Variants in EP400 observed in about 807,000 individuals in gnomAD.
The protein encoded by EP400 is E1A-binding protein p400.
A neutral mutation model predicts 354.1 loss-of-function variants in EP400; 105 were observed. The observed-to-expected ratio is 0.30, with a 90% CI of 0.25 to 0.35. The LOEUF is 0.35. Among genes scored for constraint, EP400 ranks in the 10% least tolerant of loss-of-function variants. EP400 has a pLI of 1.00. For synonymous variants in EP400, 1,646 were observed against 1,716.9 expected, an observed-to-expected ratio of 0.96 and a Z score of 1.02; for missense variants, 3,280 against 4,121.0, an observed-to-expected ratio of 0.80 and a Z score of 5.59.
In EP400 at chr12:131,986,472, A is replaced by G. The variant is rs1171797830; in HGVS notation, c.1930-42A>G. On this transcript the variant is annotated intron_variant, in intron 5 of 52. Coordinates refer to ENST00000389561, the MANE Select transcript of EP400 (RefSeq NM_015409.5). ...ATTTGGCACCGTGGGCTGCCCCGACATCTTTTCTTCACCTTGCTCCACTTG... is the reference window on the plus strand; with the variant it reads ...ATTTGGCACCGTGGGCTGCCCCGACGTCTTTTCTTCACCTTGCTCCACTTG... The G allele has an allele frequency of 2.6e-6, 4 of 1,543,706 alleles. No individual in the cohort carries two copies. The South Asian group carries it at 5.0e-5, about 19-fold the overall frequency.
chr12:131,995,517 A>G (rs1338629769), intron 12 of EP400, among the ~76,000 whole-genome samples: 1 of 142,986 alleles, frequency 7.0e-6, no homozygotes, highest in African/African-American at 2.7e-5. Flanking sequence ...GACTGAATGT[A>G]CCGTTCATCT....
At position 131,986,799 on chromosome 12, in the gene EP400, A is replaced by T. The variant is rs1258531382; in HGVS notation, c.2215A>T (p.Ile739Leu). The change falls in exon 6 of 53, where the codon ATA becomes TTA. Residue 739 changes from isoleucine to leucine, a missense_variant. This residue lies in a region of EP400 where 800 missense variants were observed against 840.0 expected (regional missense o/e 0.95). Transcript: ENST00000389561. ...TTCTCAGGATACGCTGACAGAACAA[A>T]TAACTCTGGTAAGCATGCTTAAGAA... ...DSSQDTLTEQ[I>L]TLENQVHQRI... is the part of the protein sequence containing the mutation. 4 of 1,605,892 alleles carry T rather than the reference A, an allele frequency of 2.5e-6. No homozygotes were observed. In the African/African-American group the frequency reaches 5.4e-5, roughly 22 times the overall value.
intron 2 of EP400, among the ~76,000 whole-genome samples, chr12:131,973,484 A>C (rs1463403840): frequency 6.6e-6 from 1 of 152,170 alleles, no homozygotes; most frequent in Non-Finnish European, 1.5e-5. Context: ...TCTACCAAAA[A>C]TACCAAAAAT....
At chr12:132,033,938 G>C (rs1047670403) in intron 30 of EP400, among the ~76,000 whole-genome samples, 4 of 152,034 alleles carry the variant, frequency 2.6e-5, no homozygotes, top group Non-Finnish European at 5.9e-5. Context: ...CATGTTCCTC[G>C]AGGGAAAAAA....
intron 45 of EP400, among the ~76,000 whole-genome samples, chr12:132,061,510 G>A (rs751854127): frequency 5.9e-5 from 9 of 152,236 alleles, no homozygotes; most frequent in Non-Finnish European, 1.0e-4. Flanking sequence ...GCATGATTGC[G>A]TTTGCCTTCC....
At position 132,078,180 on chromosome 12, in the gene EP400, A is replaced by T. The variant is rs1179066127; in HGVS notation, c.*507A>T. 6.5e-6 allele frequency: 1 copy of T among 154,334 alleles called. No individual in the cohort carries two copies. The highest frequency in any genetic ancestry group is 1.9e-4 in the East Asian group (1 of 5,220). The allele number at this position is 154,334 out of a possible 1,614,324, so 9.6% of individuals were successfully genotyped here. On this transcript the variant is annotated 3_prime_UTR_variant, in exon 53 of 53. Coordinates refer to ENST00000389561, the MANE Select transcript of EP400 (RefSeq NM_015409.5). ...GGGGAAGGCCTGTCTAAAGTCAATC[A>T]TCCGAGATGGGTTTTCCATTCCAAA...
rs1565920649 is a variant in EP400, at chr12:132,027,369, A to C, written c.5015-68A>C. On this transcript the variant is annotated intron_variant, in intron 25 of 52. Coordinates refer to ENST00000389561, the MANE Select transcript of EP400 (RefSeq NM_015409.5). The surrounding 1 kb of genome is among the most constrained non-coding windows in gnomAD (Gnocchi z 4.9). ...GGTGGAGGGTGAGGTTCCATGGAGC[A>C]TGCTGGTGTCAGATGAAATCCTGTG... The C allele has an allele frequency of 3.3e-6, 5 of 1,514,504 alleles. No individual in the cohort carries two copies. Among genetic ancestry groups the C allele is most frequent in the Non-Finnish European group, 4.6e-6 (5 of 1,091,468 alleles). The allele number at this position is 1,514,504 out of a possible 1,614,324, so 93.8% of individuals were successfully genotyped here.
chr12:132,005,838 A>C (rs1198871049), intron 13 of EP400, among the ~76,000 whole-genome samples: 1 of 152,166 alleles, frequency 6.6e-6, no homozygotes. Flanking sequence ...CCTAATTGCT[A>C]TGGAGACATT....
chr12:132,028,993 G>T (rs1593358019), intron 27 of EP400: 1 of 152,486 alleles, frequency 6.6e-6, no homozygotes, highest in Non-Finnish European at 1.5e-5. Context: ...AAAGAAAACT[G>T]GGAGTGCTTC....
At position 132,052,255 on chromosome 12, in the gene EP400, T is replaced by C. The variant is rs967395766; in HGVS notation, c.7395-891T>C. Reference sequence around the variant, plus strand: ...CACCTGAGTGGCTTGCCGCCCACAGTTGTCACACAGTGGCGGATTTGGGAG... The same window carrying C: ...CACCTGAGTGGCTTGCCGCCCACAGCTGTCACACAGTGGCGGATTTGGGAG... On this transcript the variant is annotated intron_variant, in intron 41 of 52. Transcript: ENST00000389561. This position sits in a 1 kb window ranked among gnomAD's most constrained non-coding sequence, Gnocchi z 4.4. 6.6e-6 allele frequency among the ~76,000 whole-genome samples: 1 copy of C among 152,200 alleles called. No individual in the cohort carries two copies. Among genetic ancestry groups the C allele is most frequent in the Admixed American group, 6.5e-5 (1 of 15,288 alleles).
rs1266653520 is a variant in EP400 at position 132,053,525 on chromosome 12, C to A, written c.7656C>A (p.Thr2552=). The change falls in exon 43 of 53, where the codon ACC becomes ACA. Residue 2552 remains threonine, a synonymous_variant. Transcript: ENST00000389561. Reference sequence around the variant, plus strand: ...CCCAACCCCAGCCACAGCCCCAGACCCAGCCACAGCCTGTGCAGGCCCCAG... The same window carrying A: ...CCCAACCCCAGCCACAGCCCCAGACACAGCCACAGCCTGTGCAGGCCCCAG... The part of the protein sequence containing the change: ...VQPQPQPQPQ[T]QPQPVQAPAK... The A allele has an allele frequency of 1.3e-6, 2 of 1,548,124 alleles. No individual in the cohort carries two copies. Among genetic ancestry groups the A allele is most frequent in the East Asian group, 2.4e-5 (1 of 41,700 alleles).
rs1278990045 is a variant in EP400, at chr12:132,017,111, G to T, written c.3924-424G>T. Among the ~76,000 whole-genome samples the T allele has an allele frequency of 6.6e-6, 1 of 152,200 alleles. No homozygotes were observed. Among genetic ancestry groups the T allele is most frequent in the Non-Finnish European group, 1.5e-5 (1 of 68,042 alleles). On this transcript the variant is annotated intron_variant, in intron 19 of 52. Transcript: ENST00000389561. This position sits in a 1 kb window ranked among gnomAD's most constrained non-coding sequence, Gnocchi z 5.0. ...GGTAAGCCGCACAGGGCATGGACCT[G>T]GGTCCTCGTCTACCCCCGCTCACTG... is the stretch of plus-strand genomic sequence containing the variant.
In EP400 at chr12:131,992,184, G is replaced by A. The variant is rs754940915; in HGVS notation, c.2691G>A (p.Met897Ile). The change falls in exon 11 of 53, where the codon ATG becomes ATA. Residue 897 changes from methionine (M) to isoleucine (I), a missense_variant. Met to Ile is a conservative substitution (Grantham distance 10, BLOSUM62 1). Around this residue, in one of 20 missense-constraint regions of EP400, gnomAD observed 800 missense variants for 840.0 expected, o/e 0.95. Coordinates refer to ENST00000389561, the MANE Select transcript of EP400 (RefSeq NM_015409.5). ...ALQESSLDSGMSGRKRKASIS... is the reference protein window; with the variant it reads ...ALQESSLDSGISGRKRKASIS... ...TTCTTTTCTTTCAGGATTCAGGAAT[G>A]TCTGGAAGAAAAAGAAAAGCTAGCA... 6.2e-7 allele frequency: 1 copy of A among 1,608,668 alleles called. No homozygotes were observed. Among genetic ancestry groups the A allele is most frequent in the Non-Finnish European group, 8.5e-7 (1 of 1,179,956 alleles).
At chr12:131,980,247 TTC>T (rs1045108002) in intron 3 of EP400, among the ~76,000 whole-genome samples, 37 of 152,236 alleles carry the variant, frequency 2.4e-4, no homozygotes, top group Non-Finnish European at 5.9e-5. Context: ...GTTTCCCATA[TTC>T]TCTCTCACAG....
rs767047383 is a variant in EP400, at chr12:132,018,271, C to G, written c.4172C>G (p.Ala1391Gly). The G allele has an allele frequency of 4.3e-6, 7 of 1,613,910 alleles. No homozygotes were observed. The highest frequency in any genetic ancestry group is 5.9e-6 in the Non-Finnish European group (7 of 1,179,966). Residue 1391 changes from alanine to glycine, a missense_variant, in exon 21 of 53, where the codon GCA becomes GGA. This residue lies in a region of EP400 where 342 missense variants were observed against 342.7 expected (regional missense o/e 1.00). Transcript: ENST00000389561. The surrounding 1 kb of genome is among the most constrained non-coding windows in gnomAD (Gnocchi z 4.0). ...GAAAATAAAATCACTCGTCACGAGGCAGAGTTGCTGTCTAAGAAAAAGATA... is the reference window on the plus strand; with the variant it reads ...GAAAATAAAATCACTCGTCACGAGGGAGAGTTGCTGTCTAAGAAAAAGATA... ...GLENKITRHE[A>G]ELLSKKKIPR... is the part of the protein sequence containing the mutation.
At chr12:132,014,346 C>T (rs969391348) in intron 19 of EP400, among the ~76,000 whole-genome samples, 1 of 152,180 alleles carries the variant, frequency 6.6e-6, no homozygotes, top group Non-Finnish European at 1.5e-5. Context: ...ATGAGTCGTG[C>T]GTTGCATGGG....
At chr12:132,060,854 C>T (rs537565929) in intron 45 of EP400, among the ~76,000 whole-genome samples, 69 of 146,990 alleles carry the variant, frequency 4.7e-4, no homozygotes, top group African/African-American at 1.1e-3. Flanking sequence ...GCAGAGGTTG[C>T]GGTGAGCCAA....
At chr12:131,957,582 T>TATTA (rs1301356852) in intron 1 of EP400, among the ~76,000 whole-genome samples, 2 of 150,778 alleles carry the variant, frequency 1.3e-5, no homozygotes, top group Non-Finnish European at 3.0e-5. Context: ...AAAAATGCTT[T>TATTA]ATTTATTTAT....
chr12:131,970,039 T>G (rs1892235792), intron 2 of EP400, among the ~76,000 whole-genome samples: 1 of 152,120 alleles, frequency 6.6e-6, no homozygotes, highest in African/African-American at 2.4e-5. Context: ...AGAGCAAAAC[T>G]CTGTCTCCAC....
Sources: gnomAD v4.1 joint callset for allele counts (sites outside exome capture counted in the v4.1 genomes callset) on GRCh38, gnomAD v4.1.1 for gene constraint, gnomAD v4.1.1 regional missense constraint, Gnocchi (gnomAD v3.1) non-coding constraint, MANE v1.5 for transcripts, NCBI Gene and HGNC (gene_info 2026-07-23, HGNC 2026-07-21) for gene names.